Variants in UNC5C observed in about 807,000 individuals in gnomAD.
UNC5C encodes unc-5 netrin receptor C.
UNC5C carries 47 observed loss-of-function variants against 99.8 expected under a neutral mutation model. The observed-to-expected ratio is 0.47, with a 90% CI of 0.37 to 0.60. The LOEUF (loss-of-function observed/expected upper bound fraction) is 0.60. Ranked by LOEUF, UNC5C falls within the 20% of genes least tolerant of loss-of-function variation. The probability of loss-of-function intolerance (pLI) is 0.00; values close to 1 mark genes in which losing one functional copy is unlikely to be tolerated. For missense variants in UNC5C, 1,062 were observed against 1,165.9 expected (o/e 0.91, Z 1.30); for synonymous variants, 487 against 452.2 (o/e 1.08, Z -0.98).
At chr4:95,293,636 G>A (rs1037165902) in intron 3 of UNC5C, among the ~76,000 whole-genome samples, 3 of 152,118 alleles carry the variant, frequency 2.0e-5, no homozygotes, top group Admixed American at 6.6e-5. Context: ...TATGCATGTA[G>A]AGAATAAGAT....
intron 1 of UNC5C, among the ~76,000 whole-genome samples, chr4:95,358,102 C>CA (rs1330256941): frequency 2.0e-5 from 3 of 151,702 alleles, no homozygotes; most frequent in African/African-American, 4.8e-5. Context: ...AAACAAGCAA[C>CA]AAAAAAAACA....
chr4:95,289,646 G>A (rs1464974204), intron 3 of UNC5C, among the ~76,000 whole-genome samples: 1 of 152,054 alleles, frequency 6.6e-6, no homozygotes, highest in African/African-American at 2.4e-5. Context: ...TAATAATACT[G>A]TGTTCTTAAA....
chr4:95,258,772 T>TTTTTTG (rs1421294592), intron 4 of UNC5C, among the ~76,000 whole-genome samples: 1 of 126,196 alleles, frequency 7.9e-6, no homozygotes. Flanking sequence ...TTTTTTTTTT[T>TTTTTTG]GAGACGGAGT....
At chr4:95,383,243 A>C (rs952869380) in intron 1 of UNC5C, among the ~76,000 whole-genome samples, 2 of 149,052 alleles carry the variant, frequency 1.3e-5, no homozygotes, top group Non-Finnish European at 3.0e-5. Context: ...TATCTGAGAA[A>C]TATAAATATG....
chr4:95,320,158 C>A (rs911031105), intron 2 of UNC5C, among the ~76,000 whole-genome samples: 1 of 152,070 alleles, frequency 6.6e-6, no homozygotes, highest in Non-Finnish European at 1.5e-5. Flanking sequence ...AGATGGCTCT[C>A]GCCTGTGTAT....
At chr4:95,264,730 C>T (rs1163486281) in intron 4 of UNC5C, among the ~76,000 whole-genome samples, 1 of 152,174 alleles carries the variant, frequency 6.6e-6, no homozygotes, top group African/African-American at 2.4e-5. Flanking sequence ...CTGATCCCCA[C>T]TCTACTCAAA....
At chr4:95,268,375 TTTG>T (rs1357521504) in intron 4 of UNC5C, among the ~76,000 whole-genome samples, 5 of 152,222 alleles carry the variant, frequency 3.3e-5, no homozygotes, top group African/African-American at 1.2e-4. Flanking sequence ...AATGTAATGT[TTTG>T]TTGTTGTTAA....
At chr4:95,373,296 C>G (rs1744800021) in intron 1 of UNC5C, among the ~76,000 whole-genome samples, 1 of 152,116 alleles carries the variant, frequency 6.6e-6, no homozygotes, top group Non-Finnish European at 1.5e-5. Context: ...TATGAGCTGA[C>G]CCTCTTCTTA....
chr4:95,294,848 G>T (rs1477513255), intron 3 of UNC5C, among the ~76,000 whole-genome samples: 1 of 152,128 alleles, frequency 6.6e-6, no homozygotes, highest in Non-Finnish European at 1.5e-5. Context: ...CTGGCACTAT[G>T]TCATATGTTT....
intron 1 of UNC5C, among the ~76,000 whole-genome samples, chr4:95,487,788 A>G (rs1286392115): frequency 6.6e-6 from 1 of 151,728 alleles, no homozygotes; most frequent in Non-Finnish European, 1.5e-5. Flanking sequence ...GTAACCATAT[A>G]GGTAAGTTGG....
At chr4:95,235,737 G>A (rs960891921) in intron 7 of UNC5C, among the ~76,000 whole-genome samples, 15 of 152,090 alleles carry the variant, frequency 9.9e-5, no homozygotes, top group Non-Finnish European at 1.5e-4. Context: ...TTGTTAAATC[G>A]GGAATCCTTT....
intron 3 of UNC5C, among the ~76,000 whole-genome samples, chr4:95,294,818 G>A (rs1330352648): frequency 1.3e-5 from 2 of 152,046 alleles, no homozygotes; most frequent in African/African-American, 2.4e-5. Context: ...ATTATCATTC[G>A]CTGAGCATTT....
At chr4:95,386,848 T>C (rs906936798) in intron 1 of UNC5C, among the ~76,000 whole-genome samples, 3 of 152,152 alleles carry the variant, frequency 2.0e-5, no homozygotes, top group African/African-American at 4.8e-5. Flanking sequence ...GTGTTTTTTT[T>C]CTCCATGAAG....
intron 1 of UNC5C, among the ~76,000 whole-genome samples, chr4:95,379,630 G>C (rs746267505): frequency 6.6e-5 from 10 of 152,088 alleles, no homozygotes; most frequent in African/African-American, 2.4e-4. Context: ...CTTGCCTTCC[G>C]GTCAGAGAAA....
In UNC5C at chr4:95,434,021, C is replaced by G. The variant is rs375721331; in HGVS notation, c.125-98390G>C. Reference sequence around the variant, plus strand: ...CCCTGCCTGCCCATATAGATTATGTCTTCCCAGTTATGCTCTATAATTATT... The same window carrying G: ...CCCTGCCTGCCCATATAGATTATGTGTTCCCAGTTATGCTCTATAATTATT... On this transcript the variant is annotated intron_variant, in intron 1 of 15. Coordinates refer to ENST00000453304, the MANE Select transcript of UNC5C (RefSeq NM_003728.4). 1.8e-4 allele frequency among the ~76,000 whole-genome samples: 27 copies of G among 152,206 alleles called. No homozygotes were observed. The South Asian group carries it at 4.1e-3, about 23-fold the overall frequency.
intron 2 of UNC5C, among the ~76,000 whole-genome samples, chr4:95,302,466 G>A (rs1255947157): frequency 6.6e-6 from 1 of 152,180 alleles, no homozygotes; most frequent in Non-Finnish European, 1.5e-5. Flanking sequence ...AAGCATCTGG[G>A]ATTATCATTT....
rs562125910 is a variant in UNC5C, at chr4:95,274,078, T to C, written c.594+4181A>G. ...AGATAAAACATGAACAAAAAACTTT[T>C]TGCTTCTTATTTCATCATGAGCTTG... On this transcript the variant is annotated intron_variant, in intron 4 of 15. Coordinates refer to ENST00000453304, the MANE Select transcript of UNC5C (RefSeq NM_003728.4). Among the ~76,000 whole-genome samples the C allele has an allele frequency of 5.9e-5, 9 of 152,320 alleles. No individual in the cohort carries two copies. In the South Asian group the frequency reaches 1.9e-3, roughly 32 times the overall value.
chr4:95,488,753 G>T (rs555764925), intron 1 of UNC5C, among the ~76,000 whole-genome samples: 3 of 151,554 alleles, frequency 2.0e-5, no homozygotes, highest in Admixed American at 6.6e-5. Flanking sequence ...TCTGAGAATA[G>T]TTCTATTCGC....
At chr4:95,525,180 C>T (rs1335663184) in intron 1 of UNC5C, among the ~76,000 whole-genome samples, 1 of 152,154 alleles carries the variant, frequency 6.6e-6, no homozygotes, top group Admixed American at 6.5e-5. Flanking sequence ...ATGCACTCCC[C>T]TGTGTTGCTG....
Sources: allele counts gnomAD v4.1 joint callset (sites outside exome capture counted in the v4.1 genomes callset), GRCh38; gene constraint gnomAD v4.1.1; transcripts MANE v1.5; gene names NCBI Gene and HGNC (gene_info 2026-07-23, HGNC 2026-07-21).